Variants in NNMT observed in about 807,000 individuals in gnomAD.
NNMT encodes nicotinamide N-methyltransferase.
A neutral mutation model predicts 11.7 loss-of-function variants in NNMT; 10 were observed. That is an observed-to-expected ratio of 0.85 (90% CI 0.53 to 1.45). The LOEUF (loss-of-function observed/expected upper bound fraction) is 1.45. Among genes scored for constraint, NNMT ranks in the 40% most tolerant of loss-of-function variants. The probability of loss-of-function intolerance (pLI) is 0.00; values close to 1 mark genes in which losing one functional copy is unlikely to be tolerated. For synonymous variants in NNMT, 143 were observed against 133.8 expected (o/e 1.07, Z -0.48); for missense variants, 381 against 319.4 (o/e 1.19, Z -1.47).
At chr11:114,294,676 G>A (rs948398808), upstream of NNMT, among the ~76,000 whole-genome samples, 2 of 151,742 alleles carry the variant, frequency 1.3e-5, 1 homozygote, top group South Asian at 4.2e-4. Flanking sequence ...ATTTTGTATT[G>A]CAGGCCTCTA....
intron 2 of NNMT, 47 bp from the exon 3 acceptor site, chr11:114,311,998 C>G: frequency 6.6e-7 from 1 of 1,521,042 alleles, no homozygotes; most frequent in Non-Finnish European, 8.8e-7. Flanking sequence ...ATCTGGGTTC[C>G]CCATGACTGG....
At chr11:114,303,678 G>A (rs1190519108) in intron 2 of NNMT, among the ~76,000 whole-genome samples, 3 of 152,090 alleles carry the variant, frequency 2.0e-5, no homozygotes, top group African/African-American at 7.2e-5. Flanking sequence ...TTTAAATATT[G>A]CCCCACTTTT....
At chr11:114,260,784 T>C (rs1158336026) in intron 1 of NNMT, among the ~76,000 whole-genome samples, 1 of 152,160 alleles carries the variant, frequency 6.6e-6, no homozygotes, top group African/African-American at 2.4e-5. Flanking sequence ...GCCAAATAGC[T>C]TGGTGGCTGC....
At chr11:114,307,467 A>C (rs1397201401) in intron 2 of NNMT, among the ~76,000 whole-genome samples, 1 of 151,722 alleles carries the variant, frequency 6.6e-6, no homozygotes, top group African/African-American at 2.4e-5. Context: ...GGTCTCAGCT[A>C]CCCCTGTCTC....
chr11:114,274,741 A>T (rs532540020), intron 2 of NNMT, among the ~76,000 whole-genome samples: 1 of 152,346 alleles, frequency 6.6e-6, no homozygotes, highest in South Asian at 2.1e-4. Flanking sequence ...AGATGCCAAG[A>T]TCTGAGCCCA....
In NNMT at chr11:114,283,791, T is replaced by G. The variant is rs571759180; in HGVS notation, c.-129-12637T>G. Among the ~76,000 whole-genome samples, 5 of 152,288 alleles carry G rather than the reference T, an allele frequency of 3.3e-5. No homozygotes were observed. In the East Asian group the frequency reaches 5.8e-4, roughly 18 times the overall value. On this transcript the variant is annotated intron_variant, in intron 2 of 4. Transcript: ENST00000535401. ...CCTCATGCTTTTTCAAAAACTAAACTAAACAAAACAATAAAGGAAGAAGAG... is the reference window on the plus strand; with the variant it reads ...CCTCATGCTTTTTCAAAAACTAAACGAAACAAAACAATAAAGGAAGAAGAG...
chr11:114,297,911 G>C, intron 1 of NNMT, 40 bp from the exon 2 acceptor site: 1 of 1,573,164 alleles, frequency 6.4e-7, no homozygotes, highest in Non-Finnish European at 8.7e-7. Flanking sequence ...ACTGCCATGA[G>C]ATGCCTGATC....
intron 2 of NNMT, among the ~76,000 whole-genome samples, chr11:114,309,035 G>T (rs1310726883): frequency 6.6e-6 from 1 of 152,116 alleles, no homozygotes; most frequent in Admixed American, 6.5e-5. Context: ...GGGCACGGAG[G>T]TTCGTTCTGC....
chr11:114,301,534 T>G (rs1945439229), intron 2 of NNMT, among the ~76,000 whole-genome samples: 1 of 152,134 alleles, frequency 6.6e-6, no homozygotes, highest in Admixed American at 6.6e-5. Context: ...GCTACATGTA[T>G]GATTCCAACT....
chr11:114,301,410 C>G (rs1945438330), intron 2 of NNMT, among the ~76,000 whole-genome samples: 1 of 152,086 alleles, frequency 6.6e-6, no homozygotes, highest in African/African-American at 2.4e-5. Flanking sequence ...AACTGTGGTA[C>G]ATTTAGACAA....
chr11:114,303,192 C>T (rs1301974938), intron 2 of NNMT, among the ~76,000 whole-genome samples: 1 of 152,112 alleles, frequency 6.6e-6, no homozygotes, highest in African/African-American at 2.4e-5. Context: ...TTTCCTTCAC[C>T]TGAAGAACTT....
At chr11:114,290,609 G>A (rs181317412) in intron 2 of NNMT, among the ~76,000 whole-genome samples, 6 of 152,066 alleles carry the variant, frequency 3.9e-5, no homozygotes, top group African/African-American at 1.4e-4. Context: ...ACCACACAAG[G>A]CATTATTTTT....
intron 2 of NNMT, among the ~76,000 whole-genome samples, chr11:114,286,897 G>A (rs1469700830): frequency 6.6e-6 from 1 of 152,146 alleles, no homozygotes; most frequent in Non-Finnish European, 1.5e-5. Flanking sequence ...AAATACACAA[G>A]GACATCTATT....
At chr11:114,278,840 G>T (rs1324211641) in intron 2 of NNMT, among the ~76,000 whole-genome samples, 1 of 152,190 alleles carries the variant, frequency 6.6e-6, no homozygotes, top group African/African-American at 2.4e-5. Context: ...CCTTCCAAGG[G>T]GAGCTCCAAG....
intron 2 of NNMT, among the ~76,000 whole-genome samples, chr11:114,270,716 A>G (rs142651288): frequency 1.1e-4 from 17 of 152,002 alleles, no homozygotes; most frequent in African/African-American, 3.6e-4. Flanking sequence ...CTCTTCTGAT[A>G]AGGATAGCAA....
upstream of NNMT, among the ~76,000 whole-genome samples, chr11:114,292,519 G>A (rs1377161016): frequency 6.6e-6 from 1 of 152,134 alleles, no homozygotes; most frequent in Non-Finnish European, 1.5e-5. Flanking sequence ...CATAGCCTGG[G>A]ACGATGAATC....
At chr11:114,277,214 C>T (rs1179915066) in intron 2 of NNMT, among the ~76,000 whole-genome samples, 1 of 152,052 alleles carries the variant, frequency 6.6e-6, no homozygotes, top group Non-Finnish European at 1.5e-5. Context: ...CATAGCAAGA[C>T]TCTGTCTCAA....
rs1422458385 is a variant in NNMT at position 114,312,464 on chromosome 11, G to GCAGA, written c.784_787dup (p.Pro263GlnfsTer26). The stretch of plus-strand genomic sequence containing the variant: ...TTCTCCCTGGTGGCGAGGAAGCTGA[G>GCAGA]CAGACCCCTGTGATGCCTGTGACCT... On this transcript the variant is annotated frameshift_variant, in exon 3 of 3. Transcript: ENST00000299964. LOFTEE classifies it high-confidence loss of function. 1.2e-6 allele frequency: 2 copies of GCAGA among 1,613,304 alleles called. No homozygotes were observed. The highest frequency in any genetic ancestry group is 2.7e-5 in the African/African-American group (2 of 74,930).
chr11:114,312,549 A>C lies in NNMT; in HGVS notation c.*72A>C. 1 of 1,459,378 alleles carries C rather than the reference A, an allele frequency of 6.9e-7. No homozygotes were observed. Among genetic ancestry groups the C allele is most frequent in the Non-Finnish European group, 9.4e-7 (1 of 1,068,930 alleles). 90.4% of individuals were successfully genotyped at this position (1,459,378 alleles called of 1,614,324 possible). ...CTTTAGTCCTTGTTTCTAACTGCCA[A>C]GTCATGTGCTGAGTAGAGGCTCAGT... On this transcript the variant is annotated 3_prime_UTR_variant, in exon 3 of 3. Transcript: ENST00000299964.
Sources: gnomAD v4.1 joint callset for allele counts (sites outside exome capture counted in the v4.1 genomes callset) on GRCh38, gnomAD v4.1.1 for gene constraint, MANE v1.5 for transcripts, NCBI Gene and HGNC (gene_info 2026-07-23, HGNC 2026-07-21) for gene names.